Variants in NCAPH observed in about 807,000 individuals in gnomAD.
NCAPH encodes non-SMC condensin I complex subunit H.
NCAPH carries 38 observed loss-of-function variants against 85.5 expected under a neutral mutation model. That is an observed-to-expected ratio of 0.44 (90% CI 0.34 to 0.58). NCAPH has a LOEUF of 0.58. Ranked by LOEUF, NCAPH falls within the 20% of genes least tolerant of loss-of-function variation. The pLI is 0.01. For missense variants in NCAPH, 789 were observed against 916.6 expected, an observed-to-expected ratio of 0.86 and a Z score of 1.80; for synonymous variants, 301 against 335.1, an observed-to-expected ratio of 0.90 and a Z score of 1.11.
rs1230261461 is a variant in NCAPH, at chr2:96,360,241, A to C, written c.1456A>C (p.Lys486Gln). 1 of 1,474,682 alleles carries C rather than the reference A, an allele frequency of 6.8e-7. No homozygotes were observed. The highest frequency in any genetic ancestry group is 1.7e-5 in the Admixed American group (1 of 57,488). The allele number at this position is 1,474,682 out of a possible 1,614,324, so 91.3% of individuals were successfully genotyped here. ...DDIDFDVYFR[K>Q]TKAATILTKS... ...TATTGACTTTGATGTATATTTTAGA[A>C]AAACAAAGGTTTGTACTGAATTTAT... Residue 486 changes from lysine (K) to glutamine (Q), a missense_variant, in exon 11 of 18, where the codon AAA becomes CAA. Transcript: ENST00000240423.
rs1329446458 is a variant in NCAPH at position 96,373,391 on chromosome 2, T to C, written c.*40T>C. 4 of 1,588,610 alleles carry C rather than the reference T, an allele frequency of 2.5e-6. No individual in the cohort carries two copies. The highest frequency in any genetic ancestry group is 3.5e-6 in the Non-Finnish European group (4 of 1,157,964). On this transcript the variant is annotated 3_prime_UTR_variant, in exon 18 of 18. Transcript: ENST00000240423. ...AGTCAGCAGCAGGAGGCCCATCCCT[T>C]ACTCAGTTGCCGGGACATCCCCAGT...
chr2:96,359,792 T>G (rs1272769396), intron 10 of NCAPH, among the ~76,000 whole-genome samples: 1 of 152,174 alleles, frequency 6.6e-6, no homozygotes, highest in Admixed American at 6.5e-5. Context: ...CTCAGTTAAT[T>G]TTTAAATTTT....
At chr2:96,354,444 T>C (rs753097644) in intron 9 of NCAPH, 56 bp downstream of exon 9, 12 of 1,329,768 alleles carry the variant, frequency 9.0e-6, no homozygotes, top group African/African-American at 3.0e-5. Context: ...TGGTTCTTTT[T>C]TCTTTTTCTT....
At chr2:96,353,495 C>A in intron 8 of NCAPH, 98 bp downstream of exon 8, 2 of 1,049,598 alleles carry the variant, frequency 1.9e-6, no homozygotes, top group Non-Finnish European at 2.9e-6. Context: ...TTTATTTAGC[C>A]AGGAGTACAG....
chr2:96,347,863 A>G lies in NCAPH; in HGVS notation c.720+3634A>G, dbSNP rs537320093. Among the ~76,000 whole-genome samples the G allele has an allele frequency of 6.6e-5, 10 of 152,286 alleles. No individual in the cohort carries two copies. The East Asian group carries it at 1.7e-3, about 26-fold the overall frequency. ...CTCTGAGTGGTGAGGTGAGCAGGGCATTGCTGTGCACGGGCAGGGAGGGGC... is the reference window on the plus strand; with the variant it reads ...CTCTGAGTGGTGAGGTGAGCAGGGCGTTGCTGTGCACGGGCAGGGAGGGGC... On this transcript the variant is annotated intron_variant, in intron 6 of 17. Coordinates refer to ENST00000240423, the MANE Select transcript of NCAPH (RefSeq NM_015341.5).
chr2:96,371,778 A>G (rs1034167756), intron 17 of NCAPH, among the ~76,000 whole-genome samples: 4 of 152,152 alleles, frequency 2.6e-5, no homozygotes, highest in Non-Finnish European at 4.4e-5. Context: ...TGATAACTCA[A>G]CACTTAGAGC....
At chr2:96,340,080 G>A (rs191988374) in intron 1 of NCAPH, among the ~76,000 whole-genome samples, 5 of 151,844 alleles carry the variant, frequency 3.3e-5, no homozygotes, top group African/African-American at 7.2e-5. Context: ...CCACCACCAC[G>A]TTCAGCTAAT....
chr2:96,339,705 ACTC>A (rs1351000453), intron 1 of NCAPH, among the ~76,000 whole-genome samples: 2 of 151,264 alleles, frequency 1.3e-5, no homozygotes, highest in East Asian at 1.9e-4. Context: ...CTCCCTTACT[ACTC>A]TAGGAAAACT....
chr2:96,359,182 C>T lies in NCAPH; in HGVS notation c.1346C>T (p.Pro449Leu), dbSNP rs1228680099. ...GGCCCGGATCACTGGCGCTTTAGGC[C>T]TCGACGCAAACGTATGTAATTCTAG... is the stretch of plus-strand genomic sequence containing the variant. ...WAGPDHWRFRPRRKQDAPSQS... is the reference protein window; with the variant it reads ...WAGPDHWRFRLRRKQDAPSQS... Residue 449 changes from proline (P) to leucine (L), a missense_variant, in exon 10 of 18, where the codon CCT becomes CTT. Coordinates refer to ENST00000240423, the MANE Select transcript of NCAPH (RefSeq NM_015341.5). The T allele has an allele frequency of 6.2e-7, 1 of 1,614,098 alleles. No homozygotes were observed.
chr2:96,373,568 T>C lies in NCAPH; in HGVS notation c.*217T>C, dbSNP rs545971196. ...CAACTGATTAAACTTTACTGCCCTA[T>C]GGTGACCATCTAGGAGAGGGGAGGG... On this transcript the variant is annotated 3_prime_UTR_variant, in exon 18 of 18. Coordinates refer to ENST00000240423, the MANE Select transcript of NCAPH (RefSeq NM_015341.5). 8.0e-6 allele frequency: 4 copies of C among 500,570 alleles called. No homozygotes were observed. The highest frequency in any genetic ancestry group is 3.5e-5 in the Admixed American group (1 of 28,420). The allele number at this position is 500,570 out of a possible 1,614,324, so 31.0% of individuals were successfully genotyped here.
At chr2:96,359,591 C>T (rs2064576421) in intron 10 of NCAPH, 2 of 211,774 alleles carry the variant, frequency 9.4e-6, no homozygotes, top group South Asian at 2.0e-4. Context: ...TTTGCATTGT[C>T]TCTTTGAAAG....
At chr2:96,363,740 G>C (rs1409526780) in intron 12 of NCAPH, among the ~76,000 whole-genome samples, 1 of 152,292 alleles carries the variant, frequency 6.6e-6, no homozygotes, top group South Asian at 2.1e-4. Context: ...TTAGAGGGAA[G>C]AGCTGGATGT....
intron 12 of NCAPH, among the ~76,000 whole-genome samples, chr2:96,363,119 A>G (rs2064650101): frequency 6.6e-6 from 1 of 152,242 alleles, no homozygotes; most frequent in Non-Finnish European, 1.5e-5. Flanking sequence ...AGCCATCAAC[A>G]TTGAGGCAAG....
intron 1 of NCAPH, 67 bp downstream of exon 1, chr2:96,335,915 G>A (rs1311985347): frequency 1.8e-5 from 25 of 1,390,792 alleles, no homozygotes; most frequent in Middle Eastern, 2.5e-4. Context: ...GGGCGGGCAG[G>A]GCTGGCGGGC....
At chr2:96,355,053 G>A (rs897026731) in intron 9 of NCAPH, among the ~76,000 whole-genome samples, 2 of 152,110 alleles carry the variant, frequency 1.3e-5, no homozygotes, top group African/African-American at 4.8e-5. Context: ...GCAAGGCAGG[G>A]AAAACAAAAC....
At chr2:96,352,286 C>G (rs2064455545) in intron 7 of NCAPH, among the ~76,000 whole-genome samples, 1 of 152,206 alleles carries the variant, frequency 6.6e-6, no homozygotes, top group African/African-American at 2.4e-5. Context: ...TGTTTGCAGT[C>G]AGCTCTCCAA....
intron 6 of NCAPH, among the ~76,000 whole-genome samples, chr2:96,348,574 C>T (rs1015181062): frequency 6.6e-6 from 1 of 152,034 alleles, no homozygotes; most frequent in South Asian, 2.1e-4. Context: ...CCAGAAAGCC[C>T]TTTCTACGTT....
At position 96,346,829 on chromosome 2, in the gene NCAPH, C is replaced by A. The variant is rs1201771696; in HGVS notation, c.720+2600C>A. Among the ~76,000 whole-genome samples the A allele has an allele frequency of 2.6e-5, 4 of 151,932 alleles. No homozygotes were observed. The East Asian group carries it at 7.7e-4, about 29-fold the overall frequency. ...CGGGGTAGGGGTCTTACTAGGCTGT[C>A]TTGGTGTCTTACTTGGCTGTCTTGG... On this transcript the variant is annotated intron_variant, in intron 6 of 17. Coordinates refer to ENST00000240423, the MANE Select transcript of NCAPH (RefSeq NM_015341.5).
intron 1 of NCAPH, among the ~76,000 whole-genome samples, chr2:96,338,408 A>G (rs1276091405): frequency 1.3e-5 from 2 of 152,148 alleles, no homozygotes; most frequent in African/African-American, 2.4e-5. Context: ...GCTTGAGTAC[A>G]TTGTTCAGCA....
Sources: gnomAD v4.1 joint callset for allele counts (sites outside exome capture counted in the v4.1 genomes callset) on GRCh38, gnomAD v4.1.1 for gene constraint, MANE v1.5 for transcripts, NCBI Gene and HGNC (gene_info 2026-07-23, HGNC 2026-07-21) for gene names.